SUMF1: variants seen among roughly 807,000 people sequenced by gnomAD.
SUMF1 encodes the protein sulfatase modifying factor 1.
A neutral mutation model predicts 47.6 loss-of-function variants in SUMF1; 48 were observed. The ratio of observed to expected loss-of-function variants is 1.01; its 90% confidence interval spans 0.80 to 1.28. SUMF1 has a LOEUF of 1.28. Among genes scored for constraint, SUMF1 ranks in the 50% most tolerant of loss-of-function variants. SUMF1 has a pLI of 0.00. For synonymous variants in SUMF1, 230 were observed against 192.1 expected, an observed-to-expected ratio of 1.20 and a Z score of -1.63; for missense variants, 571 against 485.4, an observed-to-expected ratio of 1.18 and a Z score of -1.66.
At chr3:4,294,518 G>A (rs1040270869) in intron 8 of SUMF1, among the ~76,000 whole-genome samples, 28 of 152,096 alleles carry the variant, frequency 1.8e-4, no homozygotes, top group African/African-American at 6.8e-4. Context: ...GAGCCTCTGA[G>A]GTACAATGAG....
At chr3:4,156,807 C>T (rs990192120) in intron 8 of SUMF1, among the ~76,000 whole-genome samples, 6 of 151,674 alleles carry the variant, frequency 4.0e-5, no homozygotes, top group Non-Finnish European at 7.4e-5. Flanking sequence ...TTGAGTTCAA[C>T]TCAAAGAGTG....
At chr3:4,159,522 A>T (rs1694529054) in intron 8 of SUMF1, among the ~76,000 whole-genome samples, 1 of 151,374 alleles carries the variant, frequency 6.6e-6, no homozygotes, top group African/African-American at 2.4e-5. Context: ...AAAAAGTTGT[A>T]GTTTTTTTTT....
intron 8 of SUMF1, among the ~76,000 whole-genome samples, chr3:4,155,936 T>C (rs1453307423): frequency 6.6e-6 from 1 of 151,158 alleles, no homozygotes; most frequent in East Asian, 1.9e-4. Flanking sequence ...GGTGTCCCTT[T>C]CCCCTGAACA....
intron 8 of SUMF1, chr3:4,312,904 C>G: frequency 3.1e-6 from 5 of 1,610,276 alleles, no homozygotes; most frequent in South Asian, 1.1e-5. Flanking sequence ...ACAGTACACT[C>G]CTGATCATGT....
At chr3:4,330,774 A>G (rs1271073307) in intron 8 of SUMF1, among the ~76,000 whole-genome samples, 2 of 152,232 alleles carry the variant, frequency 1.3e-5, no homozygotes, top group Non-Finnish European at 2.9e-5. Context: ...AGAGAAAAGC[A>G]AATTTTACCA....
chr3:4,358,555 G>A (rs1041501461), downstream of SUMF1, among the ~76,000 whole-genome samples: 4 of 152,072 alleles, frequency 2.6e-5, no homozygotes, highest in African/African-American at 4.8e-5. Flanking sequence ...GAAACAAGCA[G>A]GCACAAACCT....
At chr3:4,081,383 T>A (rs1692556767) in intron 8 of SUMF1, among the ~76,000 whole-genome samples, 2 of 152,138 alleles carry the variant, frequency 1.3e-5, no homozygotes, top group African/African-American at 2.4e-5. Flanking sequence ...AAGATCCCTG[T>A]CATATTCTCA....
intron 8 of SUMF1, among the ~76,000 whole-genome samples, chr3:4,118,745 A>G (rs56755312): frequency 0.023 from 3,520 of 151,770 alleles, 161 homozygotes; most frequent in African/African-American, 0.08. Flanking sequence ...CCACTCCCCA[A>G]CCCTCCCTTA....
intron 8 of SUMF1, among the ~76,000 whole-genome samples, chr3:4,221,086 C>T (rs1696049716): frequency 6.6e-6 from 1 of 152,090 alleles, no homozygotes; most frequent in South Asian, 2.1e-4. Flanking sequence ...AAGTAGTCAC[C>T]TTAGCATCTG....
At chr3:4,335,973 A>AAAAAC (rs1699144550) in intron 8 of SUMF1, among the ~76,000 whole-genome samples, 2 of 148,218 alleles carry the variant, frequency 1.3e-5, no homozygotes, top group Non-Finnish European at 1.5e-5. Flanking sequence ...AAAAAAAAAA[A>AAAAAC]AAAAAAACAG....
intron 8 of SUMF1, among the ~76,000 whole-genome samples, chr3:4,227,999 G>A (rs1331601528): frequency 6.6e-6 from 1 of 152,090 alleles, no homozygotes; most frequent in Non-Finnish European, 1.5e-5. Flanking sequence ...GACAGTTGGA[G>A]GTTACAGAAA....
chr3:4,304,086 T>C, intron 8 of SUMF1: 1 of 189,614 alleles, frequency 5.3e-6, no homozygotes, highest in Non-Finnish European at 1.2e-5. Context: ...ACTTTCCGGT[T>C]TGCTGTAAGA....
chr3:4,214,814 T>A (rs1297103837), intron 8 of SUMF1, among the ~76,000 whole-genome samples: 7 of 152,088 alleles, frequency 4.6e-5, no homozygotes, highest in Non-Finnish European at 1.0e-4. Flanking sequence ...AATAAATTCC[T>A]GGACACATAC....
chr3:4,215,661 A>T (rs1009166951), intron 8 of SUMF1, among the ~76,000 whole-genome samples: 2 of 152,202 alleles, frequency 1.3e-5, no homozygotes, highest in Non-Finnish European at 2.9e-5. Flanking sequence ...TCTCAGCCCA[A>T]AATCTCCTTA....
chr3:4,357,218 A>G (rs1473235148), downstream of SUMF1, among the ~76,000 whole-genome samples: 1 of 152,178 alleles, frequency 6.6e-6, no homozygotes, highest in Non-Finnish European at 1.5e-5. Flanking sequence ...AAAAGAAAAA[A>G]TAAGCCCACA....
chr3:4,178,555 C>G (rs1235149747), intron 8 of SUMF1, among the ~76,000 whole-genome samples: 2 of 152,134 alleles, frequency 1.3e-5, no homozygotes, highest in African/African-American at 2.4e-5. Flanking sequence ...ACAATAAGAG[C>G]TATTTATGAC....
At chr3:4,383,676 G>A (rs559426800) in intron 7 of SUMF1, among the ~76,000 whole-genome samples, 35 of 152,252 alleles carry the variant, frequency 2.3e-4, no homozygotes, top group African/African-American at 8.4e-4. Flanking sequence ...TAAGACTGGA[G>A]TCTCCTAAGC....
chr3:4,423,600 G>A (rs988197668), intron 3 of SUMF1, among the ~76,000 whole-genome samples: 1 of 152,180 alleles, frequency 6.6e-6, no homozygotes, highest in Admixed American at 6.5e-5. Context: ...CTCAGAGTAT[G>A]ACTGAAGACA....
chr3:4,354,817 A>G (rs558087505), intron 8 of SUMF1, among the ~76,000 whole-genome samples: 3 of 152,212 alleles, frequency 2.0e-5, no homozygotes, highest in Non-Finnish European at 4.4e-5. Flanking sequence ...ACAAGTACCT[A>G]GGAAGCACTT....
Sources: gnomAD v4.1 joint callset for allele counts (sites outside exome capture counted in the v4.1 genomes callset) on GRCh38, gnomAD v4.1.1 for gene constraint, MANE v1.5 for transcripts, NCBI Gene and HGNC (gene_info 2026-07-23, HGNC 2026-07-21) for gene names.